Variants in IPO11 observed in about 807,000 individuals in gnomAD.
IPO11 encodes importin-11.
IPO11 carries 66 observed loss-of-function variants against 143.2 expected under a neutral mutation model. The observed-to-expected ratio is 0.46, with a 90% CI of 0.38 to 0.57. The LOEUF (loss-of-function observed/expected upper bound fraction) is 0.57. IPO11 is among the 20% of genes least tolerant of loss of function. The pLI is 0.00. For synonymous variants in IPO11, 385 were observed against 377.8 expected (o/e 1.02, Z -0.22); for missense variants, 1,026 against 1,141.0 (o/e 0.90, Z 1.45).
chr5:62,505,911 G>A (rs1190678281), intron 18 of IPO11, among the ~76,000 whole-genome samples: 1 of 152,044 alleles, frequency 6.6e-6, no homozygotes, highest in Non-Finnish European at 1.5e-5. Context: ...GAAGAACAGT[G>A]ACAAGGCACT....
intron 27 of IPO11, among the ~76,000 whole-genome samples, chr5:62,567,469 T>C (rs1161912458): frequency 6.8e-6 from 1 of 146,918 alleles, no homozygotes; most frequent in Non-Finnish European, 1.5e-5. Context: ...TTTGGAAAAT[T>C]TTCTATTATT....
chr5:62,534,571 A>G (rs1742671622), intron 22 of IPO11, among the ~76,000 whole-genome samples: 1 of 152,256 alleles, frequency 6.6e-6, no homozygotes, highest in South Asian at 2.1e-4. Flanking sequence ...ATACTTTGAT[A>G]GGTTATATAC....
intron 22 of IPO11, among the ~76,000 whole-genome samples, chr5:62,536,413 G>GTATT (rs1249397380): frequency 7.2e-6 from 1 of 139,732 alleles, no homozygotes; most frequent in Non-Finnish European, 1.5e-5. Context: ...GTTGATACCA[G>GTATT]TATTCATTCA....
Position 62,467,266 on chromosome 5 carries a change from ACTATTAAGC to A in IPO11, c.649+4_649+12del, listed in dbSNP as rs780713008. The A allele has an allele frequency of 1.9e-6, 3 of 1,610,778 alleles. 1 individual carries two copies. In the Admixed American group the frequency reaches 5.1e-5, roughly 27 times the overall value. ...ACGAACACTGCTATCATTGAAAGGTACTATTAAGCTTGATATGTTCATTTTTGAAATGAG... is the reference window on the plus strand; with the variant it reads ...ACGAACACTGCTATCATTGAAAGGTATTGATATGTTCATTTTTGAAATGAG... On this transcript the variant is annotated splice_donor_5th_base_variant and intron_variant, in intron 6 of 29. Coordinates refer to ENST00000325324, the MANE Select transcript of IPO11 (RefSeq NM_016338.5).
At chr5:62,576,366 C>T (rs1292145209) in intron 27 of IPO11, 2 of 152,254 alleles carry the variant, frequency 1.3e-5, no homozygotes, top group Non-Finnish European at 2.9e-5. Context: ...TCCCATTTCA[C>T]ATTTTCATTC....
intron 12 of IPO11, among the ~76,000 whole-genome samples, chr5:62,486,291 T>G (rs1746404402): frequency 6.6e-6 from 1 of 152,148 alleles, no homozygotes; most frequent in Admixed American, 6.5e-5. Flanking sequence ...TTTCTTTTGT[T>G]TAACTTGGGG....
rs763033873 is a variant in IPO11 at position 62,489,287 on chromosome 5, A to G, written c.1310-15A>G. On this transcript the variant is annotated splice_polypyrimidine_tract_variant and intron_variant, in intron 13 of 29. Coordinates refer to ENST00000325324, the MANE Select transcript of IPO11 (RefSeq NM_016338.5). ...TTTGCTTTTACTGATACCTATTTAT[A>G]TATATATTTTTTAGGACCCACAAAT... 13 of 1,442,636 alleles carry G rather than the reference A, an allele frequency of 9.0e-6. No homozygotes were observed. In the Middle Eastern group the frequency reaches 9.1e-4, roughly 101 times the overall value. The allele number at this position is 1,442,636 out of a possible 1,614,324, so 89.4% of individuals were successfully genotyped here.
chr5:62,457,509 C>G (rs964070127), intron 5 of IPO11, among the ~76,000 whole-genome samples: 2 of 152,134 alleles, frequency 1.3e-5, no homozygotes, highest in Non-Finnish European at 2.9e-5. Flanking sequence ...TGCTAAACAA[C>G]ACATGAATTA....
At chr5:62,555,002 G>A (rs141092660) in intron 26 of IPO11, among the ~76,000 whole-genome samples, 2,657 of 152,208 alleles carry the variant, frequency 0.017, 73 homozygotes, top group African/African-American at 0.059. Flanking sequence ...GGCATGAGCC[G>A]CTGCACCCAG....
chr5:62,519,520 C>T (rs1205086878), intron 20 of IPO11, among the ~76,000 whole-genome samples: 1 of 152,140 alleles, frequency 6.6e-6, no homozygotes, highest in Non-Finnish European at 1.5e-5. Context: ...TGTGTCCTTC[C>T]TATTCCACTA....
intron 29 of IPO11, among the ~76,000 whole-genome samples, chr5:62,623,930 G>T (rs1393249731): frequency 2.0e-5 from 3 of 151,538 alleles, no homozygotes; most frequent in Non-Finnish European, 4.4e-5. Flanking sequence ...GCCTTTTATG[G>T]GTATTACTTG....
chr5:62,523,768 G>A (rs928487424), intron 20 of IPO11, among the ~76,000 whole-genome samples: 1 of 152,176 alleles, frequency 6.6e-6, no homozygotes, highest in Non-Finnish European at 1.5e-5. Flanking sequence ...GGCTGATAAT[G>A]TGCTGTAGTT....
chr5:62,621,381 C>CCCCATCT (rs1424158281), intron 29 of IPO11, among the ~76,000 whole-genome samples: 1 of 152,102 alleles, frequency 6.6e-6, no homozygotes, highest in African/African-American at 2.4e-5. Context: ...GTTAACAGGT[C>CCCCATCT]CCCATCTCGC....
chr5:62,579,401 C>A, intron 27 of IPO11: 1 of 1,539,522 alleles, frequency 6.5e-7, no homozygotes, highest in Non-Finnish European at 8.8e-7. Context: ...CTTTTTATAG[C>A]CAATTCTGAT....
chr5:62,513,567 G>A (rs1314896463), intron 19 of IPO11, among the ~76,000 whole-genome samples: 7 of 144,892 alleles, frequency 4.8e-5, no homozygotes, highest in East Asian at 4.3e-4. Flanking sequence ...CCTCCCGGAC[G>A]GGGCGGCTGG....
intron 5 of IPO11, among the ~76,000 whole-genome samples, chr5:62,463,776 C>T (rs1486560789): frequency 1.3e-5 from 2 of 151,176 alleles, no homozygotes; most frequent in African/African-American, 4.9e-5. Context: ...GACATTAGAG[C>T]ATAGAAGATA....
chr5:62,581,426 A>G, intron 27 of IPO11: 2 of 807,716 alleles, frequency 2.5e-6, no homozygotes, highest in Non-Finnish European at 1.8e-6. Context: ...GGTTAGCATT[A>G]TTAAAATATG....
intron 19 of IPO11, chr5:62,512,210 T>A: frequency 7.3e-7 from 1 of 1,368,264 alleles, no homozygotes; most frequent in Non-Finnish European, 1.0e-6. Flanking sequence ...GACAGCTGTG[T>A]AAAGCTTGAG....
At chr5:62,435,118 G>GTATATATGTATA (rs1744143684) in intron 1 of IPO11, among the ~76,000 whole-genome samples, 1 of 60,722 alleles carries the variant, frequency 1.6e-5, no homozygotes, top group African/African-American at 6.8e-5. Flanking sequence ...ATGTATATAT[G>GTATATATGTATA]TATATATGTA....
Sources: gnomAD v4.1 joint callset for allele counts (sites outside exome capture counted in the v4.1 genomes callset) on GRCh38, gnomAD v4.1.1 for gene constraint, MANE v1.5 for transcripts, NCBI Gene and HGNC (gene_info 2026-07-23, HGNC 2026-07-21) for gene names.